Variants in GARRE1 observed in about 807,000 individuals in gnomAD.
GARRE1 encodes granule associated Rac and RHOG effector 1, also known as granule associated Rac and RHOG effector protein 1.
In GARRE1, 49 loss-of-function variants were observed where a neutral mutation model predicts 103.2. That is an observed-to-expected ratio of 0.47 (90% CI 0.38 to 0.60). The LOEUF (loss-of-function observed/expected upper bound fraction) is 0.60, where lower values mean the gene tolerates loss of function less well. Among genes scored for constraint, GARRE1 ranks in the 20% least tolerant of loss-of-function variants. GARRE1 has a pLI of 0.00. For synonymous variants in GARRE1, 505 were observed against 532.8 expected, an observed-to-expected ratio of 0.95 and a Z score of 0.72; for missense variants, 1,199 against 1,370.5, an observed-to-expected ratio of 0.87 and a Z score of 1.98.
intron 2 of GARRE1, among the ~76,000 whole-genome samples, chr19:34,307,511 A>ATG (rs1466273117): frequency 1.3e-5 from 2 of 150,712 alleles, no homozygotes; most frequent in African/African-American, 4.9e-5. Context: ...CCAGACTTAT[A>ATG]TGTATATATA....
intron 6 of GARRE1, 27 bp downstream of exon 6, chr19:34,328,178 T>C: frequency 1.2e-6 from 2 of 1,608,836 alleles, no homozygotes; most frequent in South Asian, 1.1e-5. Flanking sequence ...TTCCAGCAAA[T>C]GAGTGTGAAC....
At chr19:34,302,060 G>A (rs1351994351) in intron 2 of GARRE1, among the ~76,000 whole-genome samples, 3 of 128,944 alleles carry the variant, frequency 2.3e-5, no homozygotes, top group Non-Finnish European at 4.7e-5. Flanking sequence ...GTGCAATCTT[G>A]GCTCACTGCA....
At chr19:34,323,887 C>G (rs1045499549) in intron 3 of GARRE1, among the ~76,000 whole-genome samples, 1 of 152,200 alleles carries the variant, frequency 6.6e-6, no homozygotes, top group African/African-American at 2.4e-5. Context: ...TTTCTACATT[C>G]CCTTTGCTTT....
chr19:34,261,885 C>G (rs2073720596), intron 1 of GARRE1, among the ~76,000 whole-genome samples: 1 of 152,164 alleles, frequency 6.6e-6, no homozygotes, highest in Non-Finnish European at 1.5e-5. Flanking sequence ...ATGCTGAGAG[C>G]TTTGTCTACA....
chr19:34,295,264 T>G (rs991179158), intron 1 of GARRE1, among the ~76,000 whole-genome samples: 1 of 152,294 alleles, frequency 6.6e-6, no homozygotes, highest in South Asian at 2.1e-4. Context: ...TGGGACTCAG[T>G]CAAGTTAAAA....
At chr19:34,269,719 A>G (rs900752025) in intron 1 of GARRE1, among the ~76,000 whole-genome samples, 7 of 152,098 alleles carry the variant, frequency 4.6e-5, no homozygotes, top group Admixed American at 1.3e-4. Flanking sequence ...GAGCCACCAG[A>G]CCTGACCTTT....
At chr19:34,267,035 G>A (rs191801561) in intron 1 of GARRE1, among the ~76,000 whole-genome samples, 127 of 152,162 alleles carry the variant, frequency 8.3e-4, no homozygotes, top group Middle Eastern at 3.4e-3. Context: ...GGGCCGAGGC[G>A]GGAGGATCGC....
Position 34,300,913 on chromosome 19 carries a change from G to C in GARRE1, c.440G>C (p.Ser147Thr), listed in dbSNP as rs754107575. The C allele has an allele frequency of 6.2e-7, 1 of 1,607,560 alleles. No homozygotes were observed. Among genetic ancestry groups the C allele is most frequent in the Non-Finnish European group, 8.5e-7 (1 of 1,179,944 alleles). The change falls in exon 2 of 14, where the codon AGT becomes ACT. Residue 147 changes from serine to threonine, a missense_variant. Coordinates refer to ENST00000299505, the MANE Select transcript of GARRE1 (RefSeq NM_014686.5). ...ATCGCCAAGATGCTAATGGAACTTA[G>C]TGCTGGGGCTGCAAATTTTACGGAT... ...PEIAKMLMEL[S>T]AGAANFTDQK...
intron 2 of GARRE1, among the ~76,000 whole-genome samples, chr19:34,313,014 C>G (rs1415933517): frequency 6.6e-6 from 1 of 152,156 alleles, no homozygotes; most frequent in African/African-American, 2.4e-5. Flanking sequence ...ACATGCGCAC[C>G]TGGGTCACTC....
rs1197397969 is a variant in GARRE1 at position 34,255,747 on chromosome 19, G to T, written c.-796+1133G>T. Among the ~76,000 whole-genome samples the T allele has an allele frequency of 1.0e-4, 15 of 149,632 alleles. No homozygotes were observed. In the East Asian group the frequency reaches 3.0e-3, roughly 30 times the overall value. The stretch of plus-strand genomic sequence containing the variant: ...ACTTCTGGCCTCAAGCGACCCTCAC[G>T]CCTTCGCCTTCCAAAGTGTTGGGAT... On this transcript the variant is annotated intron_variant, in intron 1 of 13. Transcript: ENST00000299505.
chr19:34,292,218 C>T (rs564299797), intron 1 of GARRE1, among the ~76,000 whole-genome samples: 1 of 152,314 alleles, frequency 6.6e-6, no homozygotes, highest in African/African-American at 2.4e-5. Flanking sequence ...TATCAGTAGA[C>T]TCATACAATA....
At chr19:34,272,721 T>C (rs2073795131) in intron 1 of GARRE1, among the ~76,000 whole-genome samples, 1 of 152,164 alleles carries the variant, frequency 6.6e-6, no homozygotes, top group Admixed American at 6.6e-5. Context: ...CAGAGTGCCA[T>C]GGTCTGGATA....
At chr19:34,327,681 T>A (rs1473224461) in intron 4 of GARRE1, 90 bp from the exon 5 acceptor site, 1 of 1,458,286 alleles carries the variant, frequency 6.9e-7, no homozygotes, top group African/African-American at 1.4e-5. Context: ...TTTTAATAGC[T>A]ATAGAAATTT....
In GARRE1 at chr19:34,328,093, A is replaced by G. The variant is rs757611966; in HGVS notation, c.1046A>G (p.His349Arg). ...LPTVPVQIGS[H>R]FLKGVSFNES... ...ACCGTCCCTGTGCAGATAGGATCGC[A>G]CTTCCTGAAGGGCGTCTCCTTTAAT... The change falls in exon 6 of 14, where the codon CAC (histidine) becomes CGC (arginine). Residue 349 changes from histidine (H) to arginine (R), a missense_variant. His to Arg is a conservative substitution (Grantham distance 29). Coordinates refer to ENST00000299505, the MANE Select transcript of GARRE1 (RefSeq NM_014686.5). 9.3e-6 allele frequency: 15 copies of G among 1,614,178 alleles called. No homozygotes were observed. In the South Asian group the frequency reaches 1.5e-4, roughly 17 times the overall value.
intron 2 of GARRE1, among the ~76,000 whole-genome samples, chr19:34,316,389 T>C (rs917408535): frequency 4.6e-5 from 7 of 152,168 alleles, no homozygotes; most frequent in Admixed American, 2.0e-4. Context: ...ACTTTCTCCA[T>C]GTGAAGGAGA....
chr19:34,319,867 A>T, intron 2 of GARRE1, 40 bp from the exon 3 acceptor site: 1 of 1,580,312 alleles, frequency 6.3e-7, no homozygotes, highest in African/African-American at 1.3e-5. Flanking sequence ...TCCAACAGCA[A>T]CCCACAACCT....
intron 2 of GARRE1, among the ~76,000 whole-genome samples, chr19:34,301,304 T>C (rs536461730): frequency 6.6e-6 from 1 of 152,106 alleles, no homozygotes; most frequent in African/African-American, 2.4e-5. Context: ...GGTGTGCACC[T>C]GTTGGATAGA....
At chr19:34,314,743 G>A (rs1289181893) in intron 2 of GARRE1, among the ~76,000 whole-genome samples, 1 of 152,140 alleles carries the variant, frequency 6.6e-6, no homozygotes, top group East Asian at 1.9e-4. Flanking sequence ...AGGAGACTTT[G>A]TTGTTCTTTA....
intron 1 of GARRE1, among the ~76,000 whole-genome samples, chr19:34,295,556 G>A (rs537382772): frequency 7.9e-6 from 1 of 126,452 alleles, no homozygotes; most frequent in East Asian, 1.9e-4. Context: ...TCGAGACAGG[G>A]TCTTGTTTTG....
Sources: gnomAD v4.1 joint callset for allele counts (sites outside exome capture counted in the v4.1 genomes callset) on GRCh38, gnomAD v4.1.1 for gene constraint, MANE v1.5 for transcripts, NCBI Gene and HGNC (gene_info 2026-07-23, HGNC 2026-07-21) for gene names.